ZNF407: variants seen among roughly 807,000 people sequenced by gnomAD.
ZNF407 encodes zinc finger protein 407.
Under a neutral mutation model 131.2 loss-of-function variants are expected in ZNF407, and 17 were observed. The ratio of observed to expected loss-of-function variants is 0.13; its 90% CI spans 0.09 to 0.19. ZNF407 has a LOEUF of 0.19. Ranked by LOEUF, ZNF407 falls within the 10% of genes least tolerant of loss-of-function variation. The pLI is 1.00. For synonymous variants in ZNF407, 1,156 were observed against 1,062.0 expected (o/e 1.09, Z -1.72); for missense variants, 2,681 against 2,830.6 (o/e 0.95, Z 1.20).
At chr18:74,802,926 G>T (rs550228984) in intron 4 of ZNF407, among the ~76,000 whole-genome samples, 11 of 151,806 alleles carry the variant, frequency 7.2e-5, no homozygotes, top group Non-Finnish European at 1.5e-4. Context: ...TTTTGTTGTT[G>T]TTTTTTTCTT....
At chr18:74,761,038 A>G (rs1013736615) in intron 3 of ZNF407, among the ~76,000 whole-genome samples, 1 of 152,106 alleles carries the variant, frequency 6.6e-6, no homozygotes, top group Non-Finnish European at 1.5e-5. Context: ...GTGATTATCT[A>G]TTTAGGCAAA....
chr18:74,875,127 G>A (rs1299260478), intron 4 of ZNF407, among the ~76,000 whole-genome samples: 3 of 152,192 alleles, frequency 2.0e-5, no homozygotes, highest in Non-Finnish European at 1.5e-5. Context: ...TGTAGTTCCA[G>A]AGAACACCCC....
At chr18:74,738,449 G>T (rs1328599342) in intron 3 of ZNF407, among the ~76,000 whole-genome samples, 1 of 125,776 alleles carries the variant, frequency 8.0e-6, no homozygotes, top group Non-Finnish European at 1.6e-5. Context: ...AAAAAAAAAA[G>T]GAGAAGTTGG....
chr18:74,962,418 C>T (rs146985608), intron 8 of ZNF407, among the ~76,000 whole-genome samples: 115 of 152,298 alleles, frequency 7.6e-4, no homozygotes, highest in Middle Eastern at 3.4e-3. Flanking sequence ...TGGCGTGGGC[C>T]CCTGTTTCTC....
chr18:74,829,043 A>G (rs748497190), intron 4 of ZNF407, among the ~76,000 whole-genome samples: 1 of 152,216 alleles, frequency 6.6e-6, no homozygotes, highest in Non-Finnish European at 1.5e-5. Flanking sequence ...GCAACTTAAA[A>G]ATCACATTTT....
At chr18:74,961,799 T>C (rs1040658848) in intron 8 of ZNF407, among the ~76,000 whole-genome samples, 2 of 151,790 alleles carry the variant, frequency 1.3e-5, no homozygotes, top group Non-Finnish European at 2.9e-5. Context: ...GGTTGAGAAA[T>C]GTGTTCACCA....
chr18:74,798,934 T>A (rs1158348986), intron 4 of ZNF407, among the ~76,000 whole-genome samples: 1 of 152,164 alleles, frequency 6.6e-6, no homozygotes, highest in African/African-American at 2.4e-5. Flanking sequence ...TAATTTTTAA[T>A]CTCTTACTTG....
intron 8 of ZNF407, chr18:75,062,310 T>G (rs904111099): frequency 6.6e-6 from 1 of 152,292 alleles, no homozygotes; most frequent in Admixed American, 6.5e-5. Flanking sequence ...TGTCACCTTA[T>G]GTTGTATCCA....
chr18:74,790,706 T>TA (rs1273099322), intron 4 of ZNF407, among the ~76,000 whole-genome samples: 3 of 152,204 alleles, frequency 2.0e-5, no homozygotes, highest in Non-Finnish European at 4.4e-5. Flanking sequence ...TATGCCTAAT[T>TA]ACCAACTTGG....
chr18:74,834,860 A>G (rs561040737), intron 4 of ZNF407, among the ~76,000 whole-genome samples: 5 of 152,162 alleles, frequency 3.3e-5, no homozygotes, highest in Non-Finnish European at 5.9e-5. Context: ...TTCATAGTTC[A>G]CCAGTATGAC....
intron 3 of ZNF407, among the ~76,000 whole-genome samples, chr18:74,664,637 G>A (rs1985857004): frequency 6.6e-6 from 1 of 152,136 alleles, no homozygotes; most frequent in South Asian, 2.1e-4. Flanking sequence ...TGAAGAAATA[G>A]CCTTAAAAAT....
intron 3 of ZNF407, among the ~76,000 whole-genome samples, chr18:74,750,165 C>T (rs1457503808): frequency 6.6e-6 from 1 of 152,150 alleles, no homozygotes; most frequent in Admixed American, 6.5e-5. Flanking sequence ...GTTATCTGTA[C>T]ATTTTACTTC....
At chr18:74,629,883 G>T (rs1053248742) in intron 1 of ZNF407, among the ~76,000 whole-genome samples, 1 of 151,828 alleles carries the variant, frequency 6.6e-6, no homozygotes, top group Non-Finnish European at 1.5e-5. Flanking sequence ...TGATTTCAAG[G>T]CATTTTATTC....
In ZNF407 at chr18:74,823,786, A is replaced by C. The variant is rs145675021; in HGVS notation, c.4877+42284A>C. 1.8e-3 allele frequency among the ~76,000 whole-genome samples: 280 copies of C among 152,316 alleles called. 16 individuals carry two copies. In the East Asian group the frequency reaches 0.047, roughly 26 times the overall value. On this transcript the variant is annotated intron_variant, in intron 4 of 8. Coordinates refer to ENST00000299687, the MANE Select transcript of ZNF407 (RefSeq NM_017757.3). ...TGGGAGGCTTTATCACCCCACTGTC[A>C]ATATTAGACAGATTGACAAGACAGA... is the stretch of plus-strand genomic sequence containing the variant.
Position 75,025,874 on chromosome 18 carries a change from A to T in ZNF407, c.5429-37276A>T, listed in dbSNP as rs558932116. Among the ~76,000 whole-genome samples the T allele has an allele frequency of 3.9e-5, 6 of 152,340 alleles. No homozygotes were observed. The East Asian group carries it at 9.6e-4, about 24-fold the overall frequency. ...TAAATGAGATCTTAGCAAAACCTGG[A>T]TGTTCTTCAAATACTTCTTTTTTTA... On this transcript the variant is annotated intron_variant, in intron 8 of 8. Transcript: ENST00000299687.
At chr18:74,606,380 G>T (rs1982806601) in intron 1 of ZNF407, among the ~76,000 whole-genome samples, 1 of 152,026 alleles carries the variant, frequency 6.6e-6, no homozygotes, top group South Asian at 2.1e-4. Flanking sequence ...ACATAATGGA[G>T]ATACCTACAT....
At chr18:74,895,706 A>G (rs1296340839) in intron 7 of ZNF407, among the ~76,000 whole-genome samples, 1 of 152,154 alleles carries the variant, frequency 6.6e-6, no homozygotes, top group Non-Finnish European at 1.5e-5. Flanking sequence ...TTGTATAAAC[A>G]CTTTATGTTG....
chr18:74,827,629 T>C (rs1970426809), intron 4 of ZNF407, among the ~76,000 whole-genome samples: 1 of 152,238 alleles, frequency 6.6e-6, no homozygotes, highest in African/African-American at 2.4e-5. Flanking sequence ...GTCTCAGCCC[T>C]GGAATTGTCT....
At chr18:74,958,133 T>A (rs1337794043) in intron 8 of ZNF407, among the ~76,000 whole-genome samples, 3 of 152,310 alleles carry the variant, frequency 2.0e-5, no homozygotes, top group Non-Finnish European at 4.4e-5. Flanking sequence ...TGGACGTCTT[T>A]GAGTATTCAT....
Sources: allele counts gnomAD v4.1 joint callset (sites outside exome capture counted in the v4.1 genomes callset), GRCh38; gene constraint gnomAD v4.1.1; transcripts MANE v1.5; gene names NCBI Gene and HGNC (gene_info 2026-07-23, HGNC 2026-07-21).